RAPGEF4: variants seen among roughly 807,000 people sequenced by gnomAD.
The protein encoded by RAPGEF4 is Rap guanine nucleotide exchange factor 4, also known as RAP guanine-nucleotide-exchange factor (GEF) 4.
A neutral mutation model predicts 147.9 loss-of-function variants in RAPGEF4; 66 were observed. The ratio of observed to expected loss-of-function variants is 0.45; its 90% CI spans 0.37 to 0.55. The LOEUF (loss-of-function observed/expected upper bound fraction) is 0.55. Among genes scored for constraint, RAPGEF4 ranks in the 20% least tolerant of loss-of-function variants. The pLI is 0.00. For missense variants in RAPGEF4, 1,071 were observed against 1,257.3 expected (o/e 0.85, Z 2.24); for synonymous variants, 419 against 442.7 (o/e 0.95, Z 0.67).
At chr2:172,968,861 T>G (rs932374938) in intron 10 of RAPGEF4, among the ~76,000 whole-genome samples, 1 of 152,138 alleles carries the variant, frequency 6.6e-6, no homozygotes. Context: ...TTTTAAGCCA[T>G]GTTTTCTTTC....
chr2:173,018,570 A>G (rs543745579), intron 21 of RAPGEF4, 86 bp from the exon 22 acceptor site: 2 of 1,418,208 alleles, frequency 1.4e-6, no homozygotes, highest in Admixed American at 2.1e-5. Flanking sequence ...TGCAAATTGG[A>G]GAGGATGCCT....
At chr2:172,974,695 T>G (rs182777422) in intron 10 of RAPGEF4, among the ~76,000 whole-genome samples, 110 of 152,060 alleles carry the variant, frequency 7.2e-4, no homozygotes, top group Non-Finnish European at 1.2e-3. Context: ...AAAAATAAAA[T>G]TATTATTACA....
At chr2:173,021,766 A>G (rs1226485865) in intron 23 of RAPGEF4, among the ~76,000 whole-genome samples, 2 of 152,186 alleles carry the variant, frequency 1.3e-5, no homozygotes, top group African/African-American at 2.4e-5. Flanking sequence ...CAGGCTCATC[A>G]TAATCCTGAT....
intron 29 of RAPGEF4, among the ~76,000 whole-genome samples, chr2:173,043,911 A>G (rs1685087022): frequency 6.6e-6 from 1 of 152,158 alleles, no homozygotes. Flanking sequence ...CTGTCTTTGT[A>G]CTGGTCACTC....
At chr2:173,020,286 G>A (rs1374828644) in intron 22 of RAPGEF4, among the ~76,000 whole-genome samples, 1 of 150,684 alleles carries the variant, frequency 6.6e-6, no homozygotes, top group Admixed American at 6.7e-5. Context: ...AGTCCTGGGT[G>A]TGATTACCAT....
intron 4 of RAPGEF4, chr2:172,822,040 T>G: frequency 1.3e-6 from 2 of 1,579,016 alleles, no homozygotes; most frequent in Non-Finnish European, 1.7e-6. Context: ...TACATGTTAC[T>G]GTTTGCATTT....
At chr2:172,925,795 G>GAGAGAGAGAGAGAGAGAGAGAGAA (rs1685253077) in intron 6 of RAPGEF4, among the ~76,000 whole-genome samples, 1 of 105,248 alleles carries the variant, frequency 9.5e-6, no homozygotes, top group Non-Finnish European at 2.2e-5. Context: ...GAGAGAGAGA[G>GAGAGAGAGAGAGAGAGAGAGAGAA]AGAAAGAAAG....
At chr2:172,870,381 T>G (rs148778026) in intron 4 of RAPGEF4, among the ~76,000 whole-genome samples, 3 of 152,192 alleles carry the variant, frequency 2.0e-5, no homozygotes, top group African/African-American at 4.8e-5. Flanking sequence ...ATCCATCATG[T>G]CTTTTTTGAA....
chr2:172,738,757 G>A (rs778449058), intron 1 of RAPGEF4, among the ~76,000 whole-genome samples: 6 of 152,156 alleles, frequency 3.9e-5, no homozygotes, highest in South Asian at 2.1e-4. Flanking sequence ...GGAAAAGGAC[G>A]TAACTGGGAA....
chr2:173,027,353 C>A, intron 25 of RAPGEF4, 94 bp downstream of exon 25: 2 of 1,026,134 alleles, frequency 1.9e-6, no homozygotes, highest in South Asian at 1.9e-5. Flanking sequence ...AAAGCAGGAT[C>A]TAGGAACTGC....
chr2:172,914,794 C>CT (rs1683869494), intron 4 of RAPGEF4, among the ~76,000 whole-genome samples: 2 of 152,132 alleles, frequency 1.3e-5, no homozygotes, highest in Admixed American at 1.3e-4. Context: ...TATTAGCAAA[C>CT]TTTTTGGAAC....
intron 4 of RAPGEF4, among the ~76,000 whole-genome samples, chr2:172,890,734 G>C (rs1697806290): frequency 6.6e-6 from 1 of 152,198 alleles, no homozygotes; most frequent in Non-Finnish European, 1.5e-5. Flanking sequence ...CTATTTCCTA[G>C]ACTGTGAAGG....
intron 17 of RAPGEF4, among the ~76,000 whole-genome samples, chr2:173,011,163 C>CGT (rs1553548081): frequency 0.042 from 3,511 of 83,020 alleles, 53 homozygotes; most frequent in Non-Finnish European, 0.063. Context: ...AACTTCAGCG[C>CGT]GCGCGCGCAC....
intron 3 of RAPGEF4, among the ~76,000 whole-genome samples, chr2:172,813,883 A>G (rs563958100): frequency 6.6e-6 from 1 of 152,322 alleles, no homozygotes; most frequent in African/African-American, 2.4e-5. Flanking sequence ...ACTCATGAAT[A>G]AAAGGAAGAA....
intron 4 of RAPGEF4, among the ~76,000 whole-genome samples, chr2:172,855,703 G>A (rs1012076088): frequency 6.6e-6 from 1 of 152,094 alleles, no homozygotes; most frequent in Admixed American, 6.6e-5. Context: ...GTTGGATATA[G>A]AATTCTAGCT....
intron 1 of RAPGEF4, among the ~76,000 whole-genome samples, chr2:172,769,242 A>AC (rs140707249): frequency 0.045 from 6,843 of 152,236 alleles, 529 homozygotes; most frequent in African/African-American, 0.16. Context: ...CACATTTATT[A>AC]GTGTGTATGC....
intron 4 of RAPGEF4, among the ~76,000 whole-genome samples, chr2:172,854,656 C>G (rs1371842542): frequency 6.6e-6 from 1 of 151,942 alleles, no homozygotes; most frequent in Non-Finnish European, 1.5e-5. Context: ...TTATTCCTCT[C>G]TCTTCCTTTC....
Position 173,027,101 on chromosome 2 carries a change from A to G in RAPGEF4, c.2400A>G (p.Thr800=). The G allele has an allele frequency of 6.2e-7, 1 of 1,604,838 alleles. No homozygotes were observed. Among genetic ancestry groups the G allele is most frequent in the Admixed American group, 1.7e-5 (1 of 57,596 alleles). ...CVHELELIYH[T]FGRHNFKKTT... is the part of the protein sequence containing the mutation. ...TCTAGCTGGAGCTAATCTATCACAC[A>G]TTTGGAAGGCATAATTTTAAAAAGA... Residue 800 remains threonine (T), a synonymous_variant, in exon 25 of 31, where the codon ACA becomes ACG. Coordinates refer to ENST00000397081, the MANE Select transcript of RAPGEF4 (RefSeq NM_007023.4).
chr2:172,753,280 G>A (rs1239527521), intron 1 of RAPGEF4, among the ~76,000 whole-genome samples: 4 of 151,970 alleles, frequency 2.6e-5, no homozygotes, highest in South Asian at 2.1e-4. Context: ...GTATTGATGA[G>A]AAGGGAGAGT....
Sources: gnomAD v4.1 joint callset for allele counts (sites outside exome capture counted in the v4.1 genomes callset) on GRCh38, gnomAD v4.1.1 for gene constraint, MANE v1.5 for transcripts, NCBI Gene and HGNC (gene_info 2026-07-23, HGNC 2026-07-21) for gene names.